SHPRH: variants seen among roughly 807,000 people sequenced by gnomAD.
SHPRH encodes the protein SNF2 histone linker PHD RING helicase.
In SHPRH, 106 loss-of-function variants were observed where a neutral mutation model predicts 202.5. The ratio of observed to expected loss-of-function variants is 0.52; its 90% CI spans 0.45 to 0.62. SHPRH has a LOEUF of 0.62. Ranked by LOEUF, SHPRH falls within the 20% of genes least tolerant of loss-of-function variation. SHPRH has a pLI of 0.00. For missense variants in SHPRH, 1,710 were observed against 2,020.0 expected (o/e 0.85, Z 2.94); for synonymous variants, 729 against 686.0 (o/e 1.06, Z -0.98).
intron 20 of SHPRH, among the ~76,000 whole-genome samples, chr6:145,921,961 G>A (rs180962501): frequency 6.6e-6 from 1 of 152,056 alleles, no homozygotes; most frequent in African/African-American, 2.4e-5. Context: ...GACATTATGA[G>A]TTCTACCTTG....
chr6:145,952,505 T>C, intron 2 of SHPRH, 27 bp from the exon 3 acceptor site: 2 of 1,585,264 alleles, frequency 1.3e-6, no homozygotes, highest in South Asian at 2.3e-5. Context: ...AAAATAAAAG[T>C]AGTTTCATTT....
At chr6:145,858,799 A>T in the SHPRH span, among the ~76,000 whole-genome samples, 7 of 152,048 alleles carry the variant, frequency 4.6e-5, no homozygotes, top group African/African-American at 1.7e-4. Context: ...TGTGTCACAG[A>T]ACTACAGAAA....
intron 13 of SHPRH, among the ~76,000 whole-genome samples, chr6:145,934,226 C>A (rs763808421): frequency 6.6e-6 from 1 of 151,832 alleles, no homozygotes; most frequent in Non-Finnish European, 1.5e-5. Flanking sequence ...AATCCCAGCA[C>A]GAGGCTGAGA....
chr6:145,904,367 G>C (rs914580502), intron 25 of SHPRH: 6 of 151,880 alleles, frequency 4.0e-5, no homozygotes, highest in Non-Finnish European at 5.9e-5. Flanking sequence ...AAAAAAACTA[G>C]GTTTAGAAAT....
intron 14 of SHPRH, among the ~76,000 whole-genome samples, chr6:145,932,284 A>C (rs981295550): frequency 5.9e-5 from 9 of 152,200 alleles, no homozygotes; most frequent in African/African-American, 2.2e-4. Context: ...TCCAGCCAAG[A>C]TAGAGTAACA....
chr6:145,894,614 A>T (rs1041651663), intron 26 of SHPRH, among the ~76,000 whole-genome samples: 9 of 152,090 alleles, frequency 5.9e-5, no homozygotes, highest in Non-Finnish European at 1.2e-4. Context: ...AGACTTTCAA[A>T]GTCAGAAATT....
Position 145,927,274 on chromosome 6 carries a change from TC to T in SHPRH, c.3115del (p.Glu1039SerfsTer37). On this transcript the variant is annotated frameshift_variant and splice_region_variant, in exon 15 of 30. Transcript: ENST00000275233. LOFTEE classifies it high-confidence loss of function. ...GTACAATTCTGCTGCCAAGGCATAC[TC>T]ACCTAAAGAATTAAAATGTATTTAA... ...GLAGIHIIKG[E>X]YALAAELYRE... 6.2e-7 allele frequency: 1 copy of T among 1,611,106 alleles called. No individual in the cohort carries two copies. The highest frequency in any genetic ancestry group is 8.5e-7 in the Non-Finnish European group (1 of 1,178,392).
chr6:145,899,425 G>T (rs1328247728), intron 25 of SHPRH, among the ~76,000 whole-genome samples: 1 of 151,976 alleles, frequency 6.6e-6, no homozygotes, highest in Non-Finnish European at 1.5e-5. Context: ...AAGATAAGAA[G>T]ATCACACAAT....
At chr6:145,863,122 AATCT>A (rs1392800459), downstream of SHPRH, among the ~76,000 whole-genome samples, 4 of 152,220 alleles carry the variant, frequency 2.6e-5, no homozygotes, top group African/African-American at 9.7e-5. Context: ...TGAATACAGG[AATCT>A]ATCCAGCCTG....
intron 1 of SHPRH, among the ~76,000 whole-genome samples, 180 bp from the exon 2 acceptor site, chr6:145,955,534 A>G (rs933769882): frequency 2.6e-5 from 4 of 152,220 alleles, no homozygotes; most frequent in African/African-American, 9.6e-5. Context: ...TGAACATATT[A>G]ACCATAATCT....
In SHPRH at chr6:145,885,624, T is replaced by A. The variant is rs965643865; in HGVS notation, c.*1067A>T. ...CTTATTCAGCAATTTCAAAGTCCAT[T>A]AATTCCTCACAGAAGAAGAAACACT... On this transcript the variant is annotated 3_prime_UTR_variant, in exon 30 of 30. Coordinates refer to ENST00000275233, the MANE Select transcript of SHPRH (RefSeq NM_001042683.3). The A allele has an allele frequency of 6.6e-6, 1 of 152,194 alleles. No homozygotes were observed. Among genetic ancestry groups the A allele is most frequent in the African/African-American group, 2.4e-5 (1 of 41,456 alleles). The allele number at this position is 152,194 out of a possible 1,614,324, so 9.4% of individuals were successfully genotyped here.
chr6:145,910,076 A>T, intron 25 of SHPRH: 1 of 161,834 alleles, frequency 6.2e-6, no homozygotes, highest in Non-Finnish European at 1.3e-5. Flanking sequence ...TTTTTTCCTT[A>T]CATTCAGGGA....
At chr6:145,908,024 T>C (rs1458954390) in intron 25 of SHPRH, 1 of 152,070 alleles carries the variant, frequency 6.6e-6, no homozygotes, top group Non-Finnish European at 1.5e-5. Context: ...TGGTGGTTTT[T>C]TGTTCCTGTG....
chr6:145,862,819 T>C (rs1779628563), downstream of SHPRH: 1 of 152,244 alleles, frequency 6.6e-6, no homozygotes, highest in Non-Finnish European at 1.5e-5. Flanking sequence ...TTCCTATTTT[T>C]TAAATCAAAT....
At chr6:145,876,454 C>T (rs1780309251) in intron 2 of SHPRH, among the ~76,000 whole-genome samples, 1 of 152,056 alleles carries the variant, frequency 6.6e-6, no homozygotes, top group South Asian at 2.1e-4. Context: ...CTTTTTTTCA[C>T]TTAGCATAAT....
chr6:145,919,571 A>G, intron 21 of SHPRH, 80 bp from the exon 22 acceptor site: 2 of 1,487,832 alleles, frequency 1.3e-6, no homozygotes, highest in African/African-American at 3.2e-5. Flanking sequence ...TGCCTTAAGC[A>G]AAAGTCTTCA....
intron 25 of SHPRH, chr6:145,909,046 T>C (rs1783238932): frequency 6.6e-6 from 1 of 152,032 alleles, no homozygotes. Context: ...CTGTCAAAGA[T>C]CAGTTGTAGA....
intron 24 of SHPRH, among the ~76,000 whole-genome samples, chr6:145,910,839 G>T (rs956101736): frequency 1.3e-5 from 2 of 152,066 alleles, no homozygotes; most frequent in African/African-American, 4.8e-5. Context: ...TCCTAAAAGT[G>T]AGTATGATAG....
intron 2 of SHPRH, among the ~76,000 whole-genome samples, chr6:145,864,978 C>G (rs902042445): frequency 6.6e-6 from 1 of 151,132 alleles, no homozygotes; most frequent in African/African-American, 2.4e-5. Context: ...CACACACACA[C>G]TTTGAGACCG....
Sources: allele counts gnomAD v4.1 joint callset (sites outside exome capture counted in the v4.1 genomes callset), GRCh38; gene constraint gnomAD v4.1.1; transcripts MANE v1.5; gene names NCBI Gene and HGNC (gene_info 2026-07-23, HGNC 2026-07-21).